Variants in SLF2 observed in about 807,000 individuals in gnomAD.
The protein encoded by SLF2 is SMC5-SMC6 complex localization factor protein 2.
A neutral mutation model predicts 124.3 loss-of-function variants in SLF2; 68 were observed. That is an observed-to-expected ratio of 0.55 (90% CI 0.45 to 0.67). The LOEUF (loss-of-function observed/expected upper bound fraction) is 0.67, where lower values mean the gene tolerates loss of function less well. SLF2 is among the 30% of genes least tolerant of loss of function. The pLI, the probability that SLF2 is intolerant of heterozygous loss-of-function variation, is 0.00. For missense variants in SLF2, 1,246 were observed against 1,373.7 expected (o/e 0.91, Z 1.47); for synonymous variants, 480 against 478.8 (o/e 1.00, Z -0.03).
At chr10:100,923,654 G>A (rs916011020) in intron 4 of SLF2, among the ~76,000 whole-genome samples, 8 of 152,070 alleles carry the variant, frequency 5.3e-5, no homozygotes, top group African/African-American at 1.7e-4. Context: ...AGAATTTCCA[G>A]AAGTACCTAT....
At chr10:100,936,017 C>A (rs1849847853) in intron 9 of SLF2, among the ~76,000 whole-genome samples, 1 of 151,328 alleles carries the variant, frequency 6.6e-6, no homozygotes, top group African/African-American at 2.4e-5. Context: ...CCCCACCACA[C>A]CCAGCTAATT....
At position 100,956,018 on chromosome 10, in the gene SLF2, A is replaced by G. The variant is rs187722512; in HGVS notation, c.3331-433A>G. Among the ~76,000 whole-genome samples the G allele has an allele frequency of 1.8e-4, 27 of 152,136 alleles. No homozygotes were observed. In the East Asian group the frequency reaches 3.3e-3, roughly 19 times the overall value. On this transcript the variant is annotated intron_variant, in intron 17 of 19. Coordinates refer to ENST00000238961, the MANE Select transcript of SLF2 (RefSeq NM_018121.4). ...GGGGAGTTCAAGGGTGCAGTGAGCT[A>G]TAATTGTGCCACTGCACTCCAGCCT...
At chr10:100,919,093 G>T (rs1240627181) in intron 4 of SLF2, among the ~76,000 whole-genome samples, 1 of 137,126 alleles carries the variant, frequency 7.3e-6, no homozygotes, top group Non-Finnish European at 1.5e-5. Context: ...CTCATTGCAA[G>T]CTCCGCCTCC....
At chr10:100,950,042 A>G (rs767127752) in intron 15 of SLF2, 34 bp from the exon 16 acceptor site, 2 of 1,522,300 alleles carry the variant, frequency 1.3e-6, no homozygotes, top group South Asian at 2.7e-5. Context: ...TATATTATTT[A>G]GCTTTGTTCA....
chr10:100,917,193 G>A lies in SLF2; in HGVS notation c.808G>A (p.Ala270Thr). Residue 270 changes from alanine to threonine, a missense_variant, in exon 3 of 20, where the codon GCA (alanine) becomes ACA (threonine). Ala to Thr is a moderately conservative substitution (Grantham distance 58). Around this residue, in one of 3 missense-constraint regions of SLF2, gnomAD observed 698 missense variants for 708.9 expected, o/e 0.98. Transcript: ENST00000238961. Reference sequence around the variant, plus strand: ...CAACTCCGAGAATTCTTTCTCAGAAGCAAGCAGTCTTTCCTTAAAATCTAG... The same window carrying A: ...CAACTCCGAGAATTCTTTCTCAGAAACAAGCAGTCTTTCCTTAAAATCTAG... ...RINSENSFSE[A>T]SSLSLKSSIE... 6.2e-7 allele frequency: 1 copy of A among 1,614,106 alleles called. No homozygotes were observed. Among genetic ancestry groups the A allele is most frequent in the East Asian group, 2.2e-5 (1 of 44,882 alleles).
At chr10:100,943,988 G>T (rs773991117) in intron 11 of SLF2, 38 bp from the exon 12 acceptor site, 56 of 1,346,292 alleles carry the variant, frequency 4.2e-5, no homozygotes, top group East Asian at 2.6e-4. Flanking sequence ...TATATATTTT[G>T]TGCCTAACTT....
chr10:100,962,979 CGTT>C lies in SLF2; in HGVS notation c.*1071_*1073del, dbSNP rs1264775904. 1.3e-5 allele frequency: 2 copies of C among 152,528 alleles called. No individual in the cohort carries two copies. Among genetic ancestry groups the C allele is most frequent in the African/African-American group, 2.4e-5 (1 of 41,420 alleles). 9.4% of individuals were successfully genotyped at this position (152,528 alleles called of 1,614,324 possible). ...GGTAGAGGGTTAGTGGAAGTGCACA[CGTT>C]GTTTTTAGCCCAGGGGTAGTAACAA... On this transcript the variant is annotated 3_prime_UTR_variant, in exon 20 of 20. Transcript: ENST00000238961.
chr10:100,926,089 A>G (rs757629820), intron 6 of SLF2, 70 bp downstream of exon 6: 2 of 1,612,630 alleles, frequency 1.2e-6, no homozygotes, highest in Middle Eastern at 1.7e-4. Flanking sequence ...CTTTTAATTT[A>G]CCTTTTTTAA....
In SLF2 at chr10:100,924,021, T is replaced by G; in HGVS notation, c.1020T>G (p.Ser340=). ...TCCCTGAAAAAAGAAAAAGGAACTC[T>G]GTGGACTCAGATCTGAAAAGCACAA... is the stretch of plus-strand genomic sequence containing the variant. The part of the protein sequence containing the change: ...NKFPEKRKRN[S]VDSDLKSTRE... Residue 340 remains serine (S), a synonymous_variant, in exon 5 of 20, where the codon TCT becomes TCG. Coordinates refer to ENST00000238961, the MANE Select transcript of SLF2 (RefSeq NM_018121.4). The G allele has an allele frequency of 6.3e-7, 1 of 1,575,470 alleles. No homozygotes were observed. The highest frequency in any genetic ancestry group is 8.6e-7 in the Non-Finnish European group (1 of 1,167,580).
At chr10:100,947,269 G>T in intron 14 of SLF2, 133 bp downstream of exon 14, 1 of 501,880 alleles carries the variant, frequency 2.0e-6, no homozygotes, top group South Asian at 4.5e-5. Flanking sequence ...TCAGTTGCGA[G>T]AAAAGGCATT....
intron 4 of SLF2, among the ~76,000 whole-genome samples, chr10:100,923,219 A>G (rs1006185428): frequency 6.6e-6 from 1 of 152,180 alleles, no homozygotes; most frequent in South Asian, 2.1e-4. Context: ...GCTTAAAACA[A>G]CAGGAATTAT....
At chr10:100,945,860 G>A (rs141459952) in intron 13 of SLF2, among the ~76,000 whole-genome samples, 9 of 152,310 alleles carry the variant, frequency 5.9e-5, no homozygotes, top group Non-Finnish European at 1.3e-4. Context: ...ATATTATCAT[G>A]TCAGGTAGTA....
Position 100,916,816 on chromosome 10 carries a change from C to T in SLF2, c.431C>T (p.Ala144Val). Residue 144 changes from alanine (A) to valine (V), a missense_variant, in exon 3 of 20, where the codon GCC becomes GTC. Ala to Val is a moderately conservative substitution (Grantham distance 64). Around this residue, in one of 3 missense-constraint regions of SLF2, gnomAD observed 698 missense variants for 708.9 expected, o/e 0.98. Transcript: ENST00000238961. ...PCLSLASKYL[A>V]KGTNIYVPSS... Reference sequence around the variant, plus strand: ...CTGTCACTAGCCTCCAAATATTTAGCCAAAGGAACAAATATCTATGTTCCT... The same window carrying T: ...CTGTCACTAGCCTCCAAATATTTAGTCAAAGGAACAAATATCTATGTTCCT... 6.2e-7 allele frequency: 1 copy of T among 1,613,984 alleles called. No homozygotes were observed. The highest frequency in any genetic ancestry group is 2.2e-5 in the East Asian group (1 of 44,880).
intron 1 of SLF2, chr10:100,913,981 A>C: frequency 4.1e-6 from 3 of 725,454 alleles, no homozygotes; most frequent in Non-Finnish European, 5.1e-6. Flanking sequence ...ACAATCCCTT[A>C]TCTTAACTCT....
chr10:100,937,608 GT>G, intron 10 of SLF2, 131 bp downstream of exon 10: 33 of 593,730 alleles, frequency 5.6e-5, no homozygotes, highest in South Asian at 1.5e-4. Flanking sequence ...ATCAAAAGTC[GT>G]TTTTTTTGGT....
chr10:100,961,530 T>C (rs899193457), intron 19 of SLF2, among the ~76,000 whole-genome samples: 1 of 152,224 alleles, frequency 6.6e-6, no homozygotes, highest in Non-Finnish European at 1.5e-5. Flanking sequence ...CTTAATAGAT[T>C]TTCTTTTAAT....
intron 8 of SLF2, among the ~76,000 whole-genome samples, chr10:100,930,665 A>G (rs577790046): frequency 1.3e-5 from 2 of 152,340 alleles, no homozygotes; most frequent in African/African-American, 4.8e-5. Context: ...AGATCACATC[A>G]GTTCTGCTGC....
chr10:100,953,161 G>A (rs1419195571), intron 17 of SLF2, among the ~76,000 whole-genome samples: 4 of 150,738 alleles, frequency 2.7e-5, no homozygotes, highest in Non-Finnish European at 4.4e-5. Flanking sequence ...GATCACAGGC[G>A]CCTGCCACCA....
At chr10:100,942,167 A>G (rs1408476693) in intron 11 of SLF2, among the ~76,000 whole-genome samples, 1 of 152,130 alleles carries the variant, frequency 6.6e-6, no homozygotes, top group Non-Finnish European at 1.5e-5. Flanking sequence ...TTCTAGTTCT[A>G]ATTACCCAGA....
Sources: allele counts gnomAD v4.1 joint callset (sites outside exome capture counted in the v4.1 genomes callset), GRCh38; gene constraint gnomAD v4.1.1; regional missense constraint gnomAD v4.1.1; transcripts MANE v1.5; gene names NCBI Gene and HGNC (gene_info 2026-07-23, HGNC 2026-07-21).